The following NR4A3 variants were observed in gnomAD, a reference collection of about 807,000 sequenced individuals.
The protein encoded by NR4A3 is chondrosarcoma, extraskeletal myxoid, fused to EWS.
A neutral mutation model predicts 55.6 loss-of-function variants in NR4A3; 13 were observed. That is an observed-to-expected ratio of 0.23 (90% confidence interval 0.15 to 0.37). The LOEUF (loss-of-function observed/expected upper bound fraction) is 0.37. Among genes scored for constraint, NR4A3 ranks in the 10% least tolerant of loss-of-function variants. The pLI, the probability that NR4A3 is intolerant of heterozygous loss-of-function variation, is 1.00. For synonymous variants in NR4A3, 342 were observed against 357.9 expected (o/e 0.96, Z 0.50); for missense variants, 646 against 822.8 (o/e 0.79, Z 2.63).
At chr9:99,843,155 T>G (rs1309995574) in intron 5 of NR4A3, among the ~76,000 whole-genome samples, 1 of 152,222 alleles carries the variant, frequency 6.6e-6, no homozygotes, top group Non-Finnish European at 1.5e-5. Flanking sequence ...GTGAAAACTT[T>G]ATTCCTACTT....
chr9:99,860,688 C>T (rs1827996141), intron 7 of NR4A3, among the ~76,000 whole-genome samples: 2 of 152,152 alleles, frequency 1.3e-5, no homozygotes, highest in East Asian at 1.9e-4. Flanking sequence ...GAGACAGGTC[C>T]GCACCTGGGC....
intron 5 of NR4A3, among the ~76,000 whole-genome samples, chr9:99,840,422 G>C (rs1827632581): frequency 6.6e-6 from 1 of 152,208 alleles, no homozygotes; most frequent in Admixed American, 6.5e-5. Context: ...TGGATTCAGG[G>C]GAGTCAGTGC....
chr9:99,847,623 C>T lies in NR4A3; in HGVS notation c.1633+8C>T. The T allele has an allele frequency of 6.2e-7, 1 of 1,612,292 alleles. No individual in the cohort carries two copies. Among genetic ancestry groups the T allele is most frequent in the Non-Finnish European group, 8.5e-7 (1 of 1,178,832 alleles). On this transcript the variant is annotated splice_region_variant and intron_variant, in intron 7 of 7. Transcript: ENST00000395097. ...CACTGAGCATGATCACAGGTAAGCA[C>T]CACCTTGCCAAAACCGCATCCTCAT... is the stretch of plus-strand genomic sequence containing the variant.
Position 99,866,627 on chromosome 9 carries a change from A to G in NR4A3, c.*2760A>G. 1 of 227,500 alleles carries G rather than the reference A, an allele frequency of 4.4e-6. No individual in the cohort carries two copies. Among genetic ancestry groups the G allele is most frequent in the Non-Finnish European group, 8.8e-6 (1 of 114,098 alleles). The allele number at this position is 227,500 out of a possible 1,614,324, so 14.1% of individuals were successfully genotyped here. ...GATGACCACACTAGCACAGAAGAGAACAACATGTATTAAAGCAGGTGATTC... is the reference window on the plus strand; with the variant it reads ...GATGACCACACTAGCACAGAAGAGAGCAACATGTATTAAAGCAGGTGATTC... On this transcript the variant is annotated 3_prime_UTR_variant, in exon 8 of 8. Transcript: ENST00000395097.
Position 99,828,987 on chromosome 9 carries a change from T to G in NR4A3, c.945T>G (p.Phe315Leu). 1 of 1,366,152 alleles carries G rather than the reference T, an allele frequency of 7.3e-7. No individual in the cohort carries two copies. The highest frequency in any genetic ancestry group is 9.5e-7 in the Non-Finnish European group (1 of 1,057,928). 84.6% of individuals were successfully genotyped at this position (1,366,152 alleles called of 1,614,324 possible). ...GAACCTGCGAGGGCTGCAAGGGCTT[T>G]TTCAAGGTGAGCGCACGCCGCCCCC... ...GVRTCEGCKG[F>L]FKRTVQKNAK... The change falls in exon 3 of 8, where the codon TTT (phenylalanine) becomes TTG (leucine). Residue 315 changes from phenylalanine (F) to leucine (L), a missense_variant. Phe to Leu is a conservative substitution (Grantham distance 22). This residue lies in a region of NR4A3 where 44 missense variants were observed against 119.3 expected (regional missense o/e 0.37). Transcript: ENST00000395097. The surrounding 1 kb of genome is among the most constrained non-coding windows in gnomAD (Gnocchi z 7.7).
In NR4A3 at chr9:99,863,727, T is replaced by G; in HGVS notation, c.1741T>G (p.Ser581Ala). 1 of 1,613,656 alleles carries G rather than the reference T, an allele frequency of 6.2e-7. No homozygotes were observed. The highest frequency in any genetic ancestry group is 8.5e-7 in the Non-Finnish European group (1 of 1,179,866). ...GGGACAGGCTCTGGAGCCCACCGAG[T>G]CCAAGGTCCTGGGTGCCCTGGTAGA... ...SKGQALEPTESKVLGALVELR... is the reference protein window; with the variant it reads ...SKGQALEPTEAKVLGALVELR... Residue 581 changes from serine to alanine, a missense_variant, in exon 8 of 8, where the codon TCC (serine) becomes GCC (alanine). Physicochemically the swap from Ser to Ala is moderately conservative, Grantham distance 99. Around this residue, in one of 5 missense-constraint regions of NR4A3, gnomAD observed 163 missense variants for 233.0 expected, o/e 0.70. Coordinates refer to ENST00000395097, the MANE Select transcript of NR4A3 (RefSeq NM_006981.4).
At chr9:99,853,319 TTC>T in intron 7 of NR4A3, among the ~76,000 whole-genome samples, 1 of 114,348 alleles carries the variant, frequency 8.7e-6, no homozygotes, top group Non-Finnish European at 1.9e-5. Context: ...GTTAGGGAAT[TTC>T]TTTTTTTTTT....
chr9:99,857,755 C>CAAATAAATAAATAAAT (rs71370972), intron 7 of NR4A3, among the ~76,000 whole-genome samples: 34 of 141,306 alleles, frequency 2.4e-4, no homozygotes, highest in African/African-American at 3.2e-4. Flanking sequence ...CTCTGTCTCA[C>CAAATAAATAAATAAAT]AAATAAATAA....
intron 5 of NR4A3, among the ~76,000 whole-genome samples, chr9:99,838,316 G>A (rs371972780): frequency 1.6e-3 from 238 of 152,292 alleles, no homozygotes; most frequent in African/African-American, 5.0e-3. Flanking sequence ...TTGCAAATAC[G>A]AGAGGTGCTG....
chr9:99,856,717 G>C (rs1217638490), intron 7 of NR4A3, among the ~76,000 whole-genome samples: 1 of 152,214 alleles, frequency 6.6e-6, no homozygotes, highest in African/African-American at 2.4e-5. Flanking sequence ...GGATTGACTA[G>C]AGCAGAGCTT....
At chr9:99,824,286 AC>A (rs1827250138) in intron 1 of NR4A3, among the ~76,000 whole-genome samples, 1 of 152,080 alleles carries the variant, frequency 6.6e-6, no homozygotes, top group African/African-American at 2.4e-5. Context: ...GTCCCCGCCC[AC>A]CCGAGTTCTG....
At chr9:99,824,405 T>C (rs564390310) in intron 1 of NR4A3, among the ~76,000 whole-genome samples, 7 of 152,166 alleles carry the variant, frequency 4.6e-5, no homozygotes, top group Non-Finnish European at 8.8e-5. Flanking sequence ...GAGACCCCCA[T>C]TGAAGATGCG....
intron 1 of NR4A3, among the ~76,000 whole-genome samples, chr9:99,823,254 T>C (rs1032669435): frequency 1.3e-5 from 2 of 152,030 alleles, no homozygotes; most frequent in African/African-American, 4.8e-5. Flanking sequence ...AAATGAAAGT[T>C]CTCGGTGGTG....
chr9:99,846,152 G>T (rs962994857), intron 6 of NR4A3, among the ~76,000 whole-genome samples: 2 of 152,214 alleles, frequency 1.3e-5, no homozygotes, highest in Non-Finnish European at 2.9e-5. Context: ...TATTTGACTT[G>T]TGAATACAAC....
intron 3 of NR4A3, 81 bp downstream of exon 3, chr9:99,829,074 GTTC>G: frequency 8.0e-7 from 1 of 1,246,266 alleles, no homozygotes; most frequent in Non-Finnish European, 1.0e-6. Flanking sequence ...GAGCATCCTT[GTTC>G]TTCCCGGTTT....
intron 5 of NR4A3, among the ~76,000 whole-genome samples, chr9:99,844,124 A>C (rs1188100853): frequency 6.6e-6 from 1 of 151,788 alleles, no homozygotes; most frequent in East Asian, 1.9e-4. Flanking sequence ...TGGAGACCAC[A>C]CTTTGAGAAC....
intron 7 of NR4A3, among the ~76,000 whole-genome samples, chr9:99,859,545 A>T (rs1215620861): frequency 6.6e-6 from 1 of 152,238 alleles, no homozygotes; most frequent in Non-Finnish European, 1.5e-5. Flanking sequence ...GGCTTCTAAC[A>T]GGACTGTCTC....
intron 7 of NR4A3, among the ~76,000 whole-genome samples, chr9:99,858,619 C>T (rs1165460791): frequency 3.3e-5 from 5 of 152,164 alleles, no homozygotes; most frequent in South Asian, 2.1e-4. Context: ...CATCTCAGGA[C>T]GAGGAGAAAC....
chr9:99,848,694 G>A (rs1293179899), intron 7 of NR4A3, among the ~76,000 whole-genome samples: 3 of 152,228 alleles, frequency 2.0e-5, no homozygotes, highest in African/African-American at 7.2e-5. Context: ...ATTTATGCCT[G>A]TCTCCCTCTA....
Sources: allele counts gnomAD v4.1 joint callset (sites outside exome capture counted in the v4.1 genomes callset), GRCh38; gene constraint gnomAD v4.1.1; regional missense constraint gnomAD v4.1.1; non-coding constraint Gnocchi (gnomAD v3.1); transcripts MANE v1.5; gene names NCBI Gene and HGNC (gene_info 2026-07-23, HGNC 2026-07-21).